Variants in MACF1 observed in about 807,000 individuals in gnomAD.
MACF1 encodes microtubule actin crosslinking factor 1.
In MACF1, 193 loss-of-function variants were observed where a neutral mutation model predicts 854.8. The observed-to-expected ratio is 0.23, with a 90% confidence interval of 0.20 to 0.25. The LOEUF is 0.25. Among genes scored for constraint, MACF1 ranks in the 10% least tolerant of loss-of-function variants. The pLI is 1.00. For synonymous variants in MACF1, 3,185 were observed against 3,226.7 expected, an observed-to-expected ratio of 0.99 and a Z score of 0.44; for missense variants, 7,722 against 8,929.1, an observed-to-expected ratio of 0.86 and a Z score of 5.45.
chr1:39,283,954 G>A lies in MACF1; in HGVS notation c.916-112G>A. ...TGAGCATTAAACTGAGCAGCATCTAGGCAATTAAAGGAAATGGATTTTATA... is the reference window on the plus strand; with the variant it reads ...TGAGCATTAAACTGAGCAGCATCTAAGCAATTAAAGGAAATGGATTTTATA... On this transcript the variant is annotated intron_variant, in intron 9 of 100. Coordinates refer to ENST00000564288, the MANE Select transcript of MACF1 (RefSeq NM_001394062.1). The surrounding 1 kb of genome is among the most constrained non-coding windows in gnomAD (Gnocchi z 4.5). 1 of 1,181,112 alleles carries A rather than the reference G, an allele frequency of 8.5e-7. No individual in the cohort carries two copies. The highest frequency in any genetic ancestry group is 1.2e-6 in the Non-Finnish European group (1 of 823,624). The allele number at this position is 1,181,112 out of a possible 1,614,324, so 73.2% of individuals were successfully genotyped here.
chr1:39,207,048 CTAA>C (rs1393510413), intron 1 of MACF1: 1 of 150,824 alleles, frequency 6.6e-6, no homozygotes. Context: ...GGTCTTGTGC[CTAA>C]TAATAGTAAT....
rs917301664 is a variant in MACF1, at chr1:39,318,492, T to C, written c.3822T>C (p.Asp1274=). ...ELESIQEVLG[D]YRACHGTLIK... is the part of the protein sequence containing the mutation. Reference sequence around the variant, plus strand: ...AAAGTATCCAGGAAGTTCTGGGAGATTACCGAGCCTGCCATGGAACTCTCA... The same window carrying C: ...AAAGTATCCAGGAAGTTCTGGGAGACTACCGAGCCTGCCATGGAACTCTCA... The change falls in exon 30 of 101, where the codon GAT becomes GAC. Residue 1274 remains aspartate, a synonymous_variant. Transcript: ENST00000564288. 8 of 1,614,070 alleles carry C rather than the reference T, an allele frequency of 5.0e-6. No individual in the cohort carries two copies. Among genetic ancestry groups the C allele is most frequent in the Non-Finnish European group, 6.8e-6 (8 of 1,179,988 alleles).
chr1:39,292,165 G>T lies in MACF1; in HGVS notation c.1914+127G>T, dbSNP rs371908899. On this transcript the variant is annotated intron_variant, in intron 16 of 100. Coordinates refer to ENST00000564288, the MANE Select transcript of MACF1 (RefSeq NM_001394062.1). ...GAAAAGAATAATGATGATGAAGAGC[G>T]GTTTATGACAAATTCCCTTTTCACA... 1.4e-4 allele frequency: 145 copies of T among 1,073,464 alleles called. 3 individuals carry two copies. The South Asian group carries it at 2.5e-3, about 18-fold the overall frequency. The allele number at this position is 1,073,464 out of a possible 1,614,324, so 66.5% of individuals were successfully genotyped here. A position where few individuals can be genotyped will look rare whatever the true frequency, so the allele number is the denominator to read the frequency against.
Position 39,432,526 on chromosome 1 carries a change from G to A in MACF1, c.17338-9G>A, listed in dbSNP as rs754981965. ...TAATTTGTTTATTTTTCTTTAATAC[G>A]TCTATTAGTATGAGCAAGCTGCCGA... On this transcript the variant is annotated splice_polypyrimidine_tract_variant and intron_variant, in intron 66 of 100. Coordinates refer to ENST00000564288, the MANE Select transcript of MACF1 (RefSeq NM_001394062.1). 5.5e-5 allele frequency: 88 copies of A among 1,613,230 alleles called. No individual in the cohort carries two copies. The East Asian group carries it at 6.0e-4, about 11-fold the overall frequency.
chr1:39,178,414 C>G (rs1334459615), intron 2 of MACF1, among the ~76,000 whole-genome samples: 2 of 151,994 alleles, frequency 1.3e-5, no homozygotes, highest in African/African-American at 4.8e-5. Context: ...CTTGGGGAAG[C>G]CAATTTTGGA....
At chr1:39,175,369 CA>C (rs1644009369) in intron 2 of MACF1, among the ~76,000 whole-genome samples, 1 of 152,154 alleles carries the variant, frequency 6.6e-6, no homozygotes, top group Non-Finnish European at 1.5e-5. Flanking sequence ...TAAGTATTCT[CA>C]AAAACTAGAA....
chr1:39,151,104 C>A (rs1009127566), intron 2 of MACF1, among the ~76,000 whole-genome samples: 32 of 152,204 alleles, frequency 2.1e-4, no homozygotes, highest in Non-Finnish European at 7.4e-5. Context: ...ACCTGCTTTT[C>A]TCTCTCTTAC....
intron 35 of MACF1, among the ~76,000 whole-genome samples, chr1:39,326,632 G>T (rs1646617012): frequency 8.0e-6 from 1 of 125,192 alleles, no homozygotes; most frequent in African/African-American, 3.1e-5. Flanking sequence ...AGTAAGCCAA[G>T]ATCGCACCAC....
In MACF1 at chr1:39,452,326, C is replaced by A; in HGVS notation, c.20589C>A (p.Ser6863Arg). The change falls in exon 86 of 101, where the codon AGC becomes AGA. Residue 6863 changes from serine to arginine, a missense_variant. Ser to Arg is a moderately radical substitution (Grantham distance 110). Transcript: ENST00000564288. The stretch of plus-strand genomic sequence containing the variant: ...GTAAACTCTCTGTTTCCAAACAAAG[C>A]CGGCTTGAGCAGGCCTTAAAACAAG... The part of the protein sequence containing the change: ...TVCKLSVSKQ[S>R]RLEQALKQAE... 6.2e-7 allele frequency: 1 copy of A among 1,613,992 alleles called. No homozygotes were observed. Among genetic ancestry groups the A allele is most frequent in the Non-Finnish European group, 8.5e-7 (1 of 1,179,948 alleles).
chr1:39,258,141 C>A (rs1321050647), intron 6 of MACF1, 113 bp downstream of exon 6: 28 of 864,058 alleles, frequency 3.2e-5, no homozygotes, highest in Non-Finnish European at 5.2e-5. Context: ...TGTCAGTGAA[C>A]AAAGGTGGAT....
At chr1:39,131,056 T>C (rs1394385848) in intron 2 of MACF1, among the ~76,000 whole-genome samples, 1 of 151,594 alleles carries the variant, frequency 6.6e-6, no homozygotes, top group Non-Finnish European at 1.5e-5. Flanking sequence ...TTCACCATGT[T>C]AGCCAGGCTG....
At chr1:39,089,719 T>TAA (rs34902128) in intron 2 of MACF1, among the ~76,000 whole-genome samples, 1 of 151,904 alleles carries the variant, frequency 6.6e-6, no homozygotes, top group Non-Finnish European at 1.5e-5. Context: ...ATTCATTCAA[T>TAA]AAAAAAAATG....
intron 5 of MACF1, among the ~76,000 whole-genome samples, chr1:39,255,344 G>A (rs1459712128): frequency 6.6e-6 from 1 of 152,188 alleles, no homozygotes; most frequent in African/African-American, 2.4e-5. Flanking sequence ...AGAGGGAGGG[G>A]TGAAGATACA....
At chr1:39,441,541 C>G (rs1376697570) in intron 74 of MACF1, among the ~76,000 whole-genome samples, 1 of 152,178 alleles carries the variant, frequency 6.6e-6, no homozygotes, top group African/African-American at 2.4e-5. Flanking sequence ...TTTATCATTG[C>G]CTGCTCATCA....
intron 89 of MACF1, among the ~76,000 whole-genome samples, chr1:39,455,379 A>G (rs1644415467): frequency 6.6e-6 from 1 of 152,164 alleles, no homozygotes; most frequent in Non-Finnish European, 1.5e-5. Context: ...AGGCTCACTC[A>G]GGATGTTGGC....
chr1:39,294,505 A>G (rs1645860587), intron 18 of MACF1, among the ~76,000 whole-genome samples: 1 of 152,232 alleles, frequency 6.6e-6, no homozygotes, highest in African/African-American at 2.4e-5. Context: ...ATTGGATACT[A>G]TAATACAATA....
intron 20 of MACF1, among the ~76,000 whole-genome samples, chr1:39,296,806 G>GA (rs774331825): frequency 1.8e-5 from 2 of 111,466 alleles, no homozygotes; most frequent in African/African-American, 9.9e-5. Flanking sequence ...GGAAGGAAAA[G>GA]AAAGAAAGGA....
At chr1:39,104,660 G>A (rs1207566772) in intron 2 of MACF1, among the ~76,000 whole-genome samples, 1 of 152,120 alleles carries the variant, frequency 6.6e-6, no homozygotes. Context: ...CCGTTTTCGT[G>A]CCTCCCTGGG....
At chr1:39,317,646 A>G (rs1342635506) in intron 29 of MACF1, among the ~76,000 whole-genome samples, 2 of 152,178 alleles carry the variant, frequency 1.3e-5, no homozygotes, top group Non-Finnish European at 2.9e-5. Flanking sequence ...ACTGATGACA[A>G]TGGCTTCCTG....
Sources: allele counts gnomAD v4.1 joint callset (sites outside exome capture counted in the v4.1 genomes callset), GRCh38; gene constraint gnomAD v4.1.1; non-coding constraint Gnocchi (gnomAD v3.1); transcripts MANE v1.5; gene names NCBI Gene and HGNC (gene_info 2026-07-23, HGNC 2026-07-21).